FAM13B: variants seen among roughly 807,000 people sequenced by gnomAD.
FAM13B encodes family with sequence similarity 13 member B, also known as protein FAM13B.
Under a neutral mutation model 117.3 loss-of-function variants are expected in FAM13B, and 60 were observed. The observed-to-expected ratio is 0.51, with a 90% CI of 0.42 to 0.63. The LOEUF (loss-of-function observed/expected upper bound fraction) is 0.63, where lower values mean the gene tolerates loss of function less well. FAM13B is among the 30% of genes least tolerant of loss of function. The pLI, the probability that FAM13B is intolerant of heterozygous loss-of-function variation, is 0.00. For missense variants in FAM13B, 972 were observed against 1,091.9 expected (o/e 0.89, Z 1.55); for synonymous variants, 332 against 356.1 (o/e 0.93, Z 0.76).
At chr5:137,992,487 G>A (rs770682600) in intron 7 of FAM13B, among the ~76,000 whole-genome samples, 11 of 151,894 alleles carry the variant, frequency 7.2e-5, no homozygotes, top group East Asian at 1.9e-4. Context: ...CCAGCTACTC[G>A]GGAGGCTGAG....
intron 1 of FAM13B, among the ~76,000 whole-genome samples, chr5:138,042,641 A>G (rs1277866147): frequency 4.1e-3 from 1 of 246 alleles, no homozygotes; most frequent in Non-Finnish European, 0.042. Flanking sequence ...ACTTAAAAGA[A>G]AAAAAAAAAA....
intron 10 of FAM13B, among the ~76,000 whole-genome samples, chr5:137,972,716 G>A (rs1489182560): frequency 1.3e-5 from 2 of 151,432 alleles, no homozygotes; most frequent in Admixed American, 6.6e-5. Flanking sequence ...AAACCCCATT[G>A]TCTCAGCCCA....
chr5:138,044,806 T>C (rs970331783), intron 1 of FAM13B, among the ~76,000 whole-genome samples: 3 of 152,062 alleles, frequency 2.0e-5, no homozygotes, highest in Non-Finnish European at 4.4e-5. Context: ...CAATCTAATA[T>C]GAAATTACAA....
chr5:138,031,201 C>T (rs1464378467), intron 1 of FAM13B, among the ~76,000 whole-genome samples: 1 of 152,096 alleles, frequency 6.6e-6, no homozygotes, highest in East Asian at 1.9e-4. Flanking sequence ...TCATTTCAGC[C>T]ATTTTCTCTC....
chr5:137,940,126 G>A lies in FAM13B; in HGVS notation c.*99C>T. 1 of 1,614,084 alleles carries A rather than the reference G, an allele frequency of 6.2e-7. No individual in the cohort carries two copies. The highest frequency in any genetic ancestry group is 8.5e-7 in the Non-Finnish European group (1 of 1,179,950). ...CCAAGTACAAAATGAGATTCTCTGAGTGCCTGACAAAACGAATTTAAGTAC... is the reference window on the plus strand; with the variant it reads ...CCAAGTACAAAATGAGATTCTCTGAATGCCTGACAAAACGAATTTAAGTAC... On this transcript the variant is annotated 3_prime_UTR_variant, in exon 24 of 24. Transcript: ENST00000689681.
At chr5:138,050,585 G>C (rs1211378992) in intron 1 of FAM13B, among the ~76,000 whole-genome samples, 1 of 152,182 alleles carries the variant, frequency 6.6e-6, no homozygotes, top group Non-Finnish European at 1.5e-5. Context: ...AGATTGCCTT[G>C]CCTCTTCCAA....
At chr5:137,944,682 C>T (rs745688773) in intron 20 of FAM13B, among the ~76,000 whole-genome samples, 2 of 151,278 alleles carry the variant, frequency 1.3e-5, no homozygotes, top group Non-Finnish European at 2.9e-5. Context: ...TGCTTGAACC[C>T]GGGAGGCGGA....
rs780899510 is a variant in FAM13B, at chr5:138,007,021, T to A, written c.817A>T (p.Ile273Phe). 4.3e-6 allele frequency: 7 copies of A among 1,610,546 alleles called. No homozygotes were observed. The Admixed American group carries it at 1.2e-4, about 27-fold the overall frequency. Reference sequence around the variant, plus strand: ...GCCGTAACACTATTTGATTCCAGGATGTTTTCAGTCATCCTTAATTGTACC... The same window carrying A: ...GCCGTAACACTATTTGATTCCAGGAAGTTTTCAGTCATCCTTAATTGTACC... ...EVVQLRMTEN[I>F]LESNSVTATS... is the part of the protein sequence containing the mutation. The change falls in exon 7 of 24, where the codon ATC becomes TTC. Residue 273 changes from isoleucine to phenylalanine, a missense_variant. Transcript: ENST00000689681.
chr5:137,978,554 A>T (rs997783826), intron 10 of FAM13B, among the ~76,000 whole-genome samples: 1 of 151,934 alleles, frequency 6.6e-6, no homozygotes, highest in African/African-American at 2.4e-5. Flanking sequence ...GCAAGCAAAT[A>T]AAATTAAACT....
chr5:138,033,901 G>C (rs930570815), upstream of FAM13B: 1 of 152,158 alleles, frequency 6.6e-6, no homozygotes, highest in Non-Finnish European at 1.5e-5. Flanking sequence ...CCACAATTCA[G>C]TTGTCCCTTA....
intron 10 of FAM13B, among the ~76,000 whole-genome samples, chr5:137,964,577 C>T (rs1229451551): frequency 6.6e-6 from 1 of 150,942 alleles, no homozygotes; most frequent in Non-Finnish European, 1.5e-5. Flanking sequence ...AAAAATTAGC[C>T]GGGCGTGGTA....
At chr5:138,015,075 C>G (rs1784933694) in intron 4 of FAM13B, among the ~76,000 whole-genome samples, 1 of 152,192 alleles carries the variant, frequency 6.6e-6, no homozygotes, top group Admixed American at 6.5e-5. Context: ...TATGGTCTAA[C>G]CCAGAAGTTG....
intron 7 of FAM13B, among the ~76,000 whole-genome samples, chr5:138,000,398 C>T (rs1443399633): frequency 6.6e-6 from 1 of 151,490 alleles, no homozygotes; most frequent in Admixed American, 6.6e-5. Context: ...GACCCTGTCT[C>T]AAAAAAATAA....
rs1238558195 is a variant in FAM13B, at chr5:137,945,917, G to A, written c.2325C>T (p.Ser775=). The change falls in exon 20 of 24, where the codon AGC becomes AGT. Residue 775 remains serine (S), a synonymous_variant. Transcript: ENST00000689681. The part of the protein sequence containing the change: ...RLVKQMLTRA[S]ITPVLGSPST... ...TTTTACTTACAAGGACAGGAGTGATGCTAGCTCTTGTCAGCATTTGTTTTA... is the reference window on the plus strand; with the variant it reads ...TTTTACTTACAAGGACAGGAGTGATACTAGCTCTTGTCAGCATTTGTTTTA... 1 of 1,611,636 alleles carries A rather than the reference G, an allele frequency of 6.2e-7. No homozygotes were observed. The highest frequency in any genetic ancestry group is 8.5e-7 in the Non-Finnish European group (1 of 1,178,108).
chr5:138,049,879 A>G (rs1791750825), intron 1 of FAM13B, among the ~76,000 whole-genome samples: 1 of 152,104 alleles, frequency 6.6e-6, no homozygotes, highest in African/African-American at 2.4e-5. Context: ...TTATCTCAGC[A>G]CTTTGGGAGG....
intron 23 of FAM13B, 29 bp downstream of exon 23, chr5:137,941,915 A>G: frequency 6.5e-7 from 1 of 1,546,614 alleles, no homozygotes; most frequent in Non-Finnish European, 8.9e-7. Context: ...GAGAAGAAAG[A>G]TGACTCAATT....
chr5:137,975,147 A>G (rs115703960), intron 10 of FAM13B, among the ~76,000 whole-genome samples: 1,731 of 152,238 alleles, frequency 0.011, 28 homozygotes, highest in African/African-American at 0.04. Flanking sequence ...ACACTTTCCT[A>G]GACACAAGTT....
intron 10 of FAM13B, among the ~76,000 whole-genome samples, chr5:137,980,134 C>G (rs901673163): frequency 4.0e-5 from 6 of 150,276 alleles, no homozygotes; most frequent in Middle Eastern, 3.4e-3. Context: ...CATCACACGA[C>G]TGCACTCTAG....
At chr5:137,981,499 G>A (rs1439732114) in intron 10 of FAM13B, among the ~76,000 whole-genome samples, 1 of 151,858 alleles carries the variant, frequency 6.6e-6, no homozygotes, top group African/African-American at 2.4e-5. Flanking sequence ...CTAAAGTGGG[G>A]AGGGGGCCAG....
Sources: allele counts gnomAD v4.1 joint callset (sites outside exome capture counted in the v4.1 genomes callset), GRCh38; gene constraint gnomAD v4.1.1; transcripts MANE v1.5; gene names NCBI Gene and HGNC (gene_info 2026-07-23, HGNC 2026-07-21).